The following LHFPL6 variants were observed in gnomAD, a reference collection of about 807,000 sequenced individuals.
LHFPL6 encodes the protein LHFPL tetraspan subfamily member 6, also known as LHFPL tetraspan subfamily member 6 protein.
Under a neutral mutation model 20.6 loss-of-function variants are expected in LHFPL6, and 9 were observed. The observed-to-expected ratio is 0.44, with a 90% CI of 0.26 to 0.76. The LOEUF (loss-of-function observed/expected upper bound fraction) is 0.76, where lower values mean the gene tolerates loss of function less well. Ranked by LOEUF, LHFPL6 falls within the 30% of genes least tolerant of loss-of-function variation. The probability of loss-of-function intolerance (pLI) is 0.20; values close to 1 mark genes in which losing one functional copy is unlikely to be tolerated. For synonymous variants in LHFPL6, 105 were observed against 98.7 expected (o/e 1.06, Z -0.38); for missense variants, 218 against 253.5 (o/e 0.86, Z 0.95).
chr13:39,591,056 G>C (rs1872576165), intron 2 of LHFPL6, among the ~76,000 whole-genome samples: 1 of 152,152 alleles, frequency 6.6e-6, no homozygotes, highest in African/African-American at 2.4e-5. Context: ...AAAAAGTGTT[G>C]CATAGCTGCT....
chr13:39,569,907 G>A (rs1318749568), intron 2 of LHFPL6, among the ~76,000 whole-genome samples: 1 of 152,158 alleles, frequency 6.6e-6, no homozygotes, highest in African/African-American at 2.4e-5. Context: ...ACAACTTTTG[G>A]AGTCTTTAAG....
At chr13:39,360,413 A>G (rs1869847228) in intron 3 of LHFPL6, among the ~76,000 whole-genome samples, 1 of 98,012 alleles carries the variant, frequency 1.0e-5, no homozygotes, top group African/African-American at 3.0e-5. Flanking sequence ...GTTCATCAGT[A>G]AGAACTGACA....
chr13:39,442,980 G>A (rs1026142506), intron 2 of LHFPL6, among the ~76,000 whole-genome samples: 2 of 151,934 alleles, frequency 1.3e-5, no homozygotes, highest in Admixed American at 6.6e-5. Flanking sequence ...AAAATATCTA[G>A]TGTCTTCCAT....
chr13:39,478,064 G>A (rs1210330109), intron 2 of LHFPL6, among the ~76,000 whole-genome samples: 1 of 152,196 alleles, frequency 6.6e-6, no homozygotes, highest in Admixed American at 6.5e-5. Flanking sequence ...CCAAAATCAA[G>A]ACAGTCCTCT....
chr13:39,504,753 GCTGT>G (rs2138467457), intron 2 of LHFPL6, among the ~76,000 whole-genome samples: 1 of 152,312 alleles, frequency 6.6e-6, no homozygotes, highest in South Asian at 2.1e-4. Context: ...GAAGGTTAGT[GCTGT>G]CACACATGAA....
intron 3 of LHFPL6, among the ~76,000 whole-genome samples, chr13:39,353,238 G>A (rs1468697992): frequency 6.6e-6 from 1 of 150,790 alleles, no homozygotes; most frequent in Non-Finnish European, 1.5e-5. Context: ...CAGCCGCCTC[G>A]GCCTTCCAAA....
chr13:39,426,085 G>A (rs114147595), intron 2 of LHFPL6, among the ~76,000 whole-genome samples: 1 of 152,170 alleles, frequency 6.6e-6, no homozygotes, highest in African/African-American at 2.4e-5. Context: ...GCAATATTAC[G>A]TGACCATTAC....
chr13:39,532,743 T>A (rs1324970529), intron 2 of LHFPL6, among the ~76,000 whole-genome samples: 1 of 152,146 alleles, frequency 6.6e-6, no homozygotes, highest in African/African-American at 2.4e-5. Context: ...CAACTTATGT[T>A]TAGAAGAACA....
At chr13:39,394,416 A>C (rs1369202428) in intron 2 of LHFPL6, among the ~76,000 whole-genome samples, 1 of 152,214 alleles carries the variant, frequency 6.6e-6, no homozygotes, top group Admixed American at 6.5e-5. Context: ...ACCTCAGCCC[A>C]TAACAGAGGT....
intron 2 of LHFPL6, among the ~76,000 whole-genome samples, chr13:39,491,355 C>T (rs73175160): frequency 0.11 from 16,246 of 151,972 alleles, 1,688 homozygotes; most frequent in East Asian, 0.6. Flanking sequence ...CAAGAAAGAG[C>T]GGAGGGAGCT....
At chr13:39,437,466 G>A (rs1871993399) in intron 2 of LHFPL6, among the ~76,000 whole-genome samples, 1 of 152,088 alleles carries the variant, frequency 6.6e-6, no homozygotes, top group Non-Finnish European at 1.5e-5. Flanking sequence ...CTCCCCATTT[G>A]CCTTCACCAG....
intron 2 of LHFPL6, among the ~76,000 whole-genome samples, chr13:39,560,278 T>C (rs1379631395): frequency 6.6e-6 from 1 of 152,222 alleles, no homozygotes; most frequent in East Asian, 1.9e-4. Context: ...ACAGGATTTA[T>C]TGCATCCTTT....
intron 2 of LHFPL6, among the ~76,000 whole-genome samples, chr13:39,557,214 G>T (rs1871332260): frequency 6.6e-6 from 1 of 152,212 alleles, no homozygotes; most frequent in African/African-American, 2.4e-5. Flanking sequence ...GCAGTTTCAG[G>T]GGCCAGGCCC....
At chr13:39,354,695 AT>A (rs967689814) in intron 3 of LHFPL6, among the ~76,000 whole-genome samples, 2 of 152,184 alleles carry the variant, frequency 1.3e-5, no homozygotes, top group Admixed American at 6.5e-5. Context: ...AGACACGGCC[AT>A]TTTAAGAAAG....
intron 3 of LHFPL6, among the ~76,000 whole-genome samples, chr13:39,368,355 G>A (rs1016504714): frequency 5.9e-5 from 9 of 151,784 alleles, no homozygotes; most frequent in Admixed American, 1.3e-4. Flanking sequence ...AGGCTGAGGC[G>A]GGCAGATAAC....
At chr13:39,544,862 G>A (rs143652629) in intron 2 of LHFPL6, among the ~76,000 whole-genome samples, 1 of 151,868 alleles carries the variant, frequency 6.6e-6, no homozygotes, top group Non-Finnish European at 1.5e-5. Flanking sequence ...TTATATAAAG[G>A]TTATTTAATA....
In LHFPL6 at chr13:39,378,511, G is replaced by A; in HGVS notation, c.401C>T (p.Ala134Val). The change falls in exon 3 of 4, where the codon GCT (alanine) becomes GTT (valine). Residue 134 changes from alanine (A) to valine (V), a missense_variant. Ala to Val is a moderately conservative substitution (Grantham distance 64). Transcript: ENST00000379589. ...GCCCAAGGGGTAGAGGGCACAGCCA[G>A]CACCAATCAACAAGCCTGCAAAGAG... ...IQFLGGLLIGAGCALYPLGWD... is the reference protein window; with the variant it reads ...IQFLGGLLIGVGCALYPLGWD... 2.5e-6 allele frequency: 4 copies of A among 1,613,720 alleles called. No individual in the cohort carries two copies. Among genetic ancestry groups the A allele is most frequent in the Non-Finnish European group, 3.4e-6 (4 of 1,179,790 alleles).
chr13:39,392,017 G>T (rs1292478146), intron 2 of LHFPL6, among the ~76,000 whole-genome samples: 1 of 152,130 alleles, frequency 6.6e-6, no homozygotes, highest in Non-Finnish European at 1.5e-5. Context: ...TTTTCCATCT[G>T]TGATGTACTG....
At chr13:39,555,658 A>G (rs1871283600) in intron 2 of LHFPL6, among the ~76,000 whole-genome samples, 2 of 152,236 alleles carry the variant, frequency 1.3e-5, no homozygotes, top group African/African-American at 4.8e-5. Context: ...CAAAAATTTA[A>G]GTATTAAATT....
Sources: gnomAD v4.1 joint callset for allele counts (sites outside exome capture counted in the v4.1 genomes callset) on GRCh38, gnomAD v4.1.1 for gene constraint, MANE v1.5 for transcripts, NCBI Gene and HGNC (gene_info 2026-07-23, HGNC 2026-07-21) for gene names.